Variants in GLP1R observed in about 807,000 individuals in gnomAD.
The protein encoded by GLP1R is glucagon like peptide 1 receptor.
GLP1R carries 32 observed loss-of-function variants against 68.4 expected under a neutral mutation model. The ratio of observed to expected loss-of-function variants is 0.47; its 90% CI spans 0.35 to 0.63. The LOEUF is 0.63. GLP1R is among the 20% of genes least tolerant of loss of function. The pLI is 0.00. For synonymous variants in GLP1R, 263 were observed against 244.4 expected, an observed-to-expected ratio of 1.08 and a Z score of -0.71; for missense variants, 502 against 594.9, an observed-to-expected ratio of 0.84 and a Z score of 1.62.
chr6:39,054,459 C>T (rs1768164037), intron 1 of GLP1R, among the ~76,000 whole-genome samples: 1 of 152,144 alleles, frequency 6.6e-6, no homozygotes, highest in Non-Finnish European at 1.5e-5. Flanking sequence ...GCCACAGCCC[C>T]ATCCTCAGGA....
chr6:39,065,671 A>T, intron 3 of GLP1R, 40 bp from the exon 4 acceptor site: 1 of 1,348,186 alleles, frequency 7.4e-7, no homozygotes, highest in South Asian at 1.3e-5. Flanking sequence ...AGGCTGCCCT[A>T]TTCTGGGCTG....
intron 1 of GLP1R, 92 bp from the exon 2 acceptor site, chr6:39,056,305 T>C (rs1165116341): frequency 4.5e-6 from 3 of 660,554 alleles, no homozygotes; most frequent in Non-Finnish European, 8.2e-6. Flanking sequence ...TGAGGTTTCA[T>C]GGAGATTGAG....
intron 5 of GLP1R, among the ~76,000 whole-genome samples, chr6:39,069,607 C>T (rs1207830274): frequency 1.3e-5 from 2 of 149,618 alleles, no homozygotes; most frequent in African/African-American, 4.9e-5. Context: ...CACTGCACTC[C>T]AGCCTGGGCG....
intron 3 of GLP1R, among the ~76,000 whole-genome samples, chr6:39,058,505 G>A (rs1358807661): frequency 6.6e-6 from 1 of 152,136 alleles, no homozygotes; most frequent in Non-Finnish European, 1.5e-5. Flanking sequence ...TGGAGGGTTA[G>A]TTAATGTGCC....
At position 39,080,746 on chromosome 6, in the gene GLP1R, T is replaced by G; in HGVS notation, c.1224+7T>G. On this transcript the variant is annotated splice_region_variant and intron_variant, in intron 12 of 12. Transcript: ENST00000373256. ...CTGCTTTGTCAACAATGAGGTAAGCTCTGAGGAGGGACGGTGGGGACCCTG... is the reference window on the plus strand; with the variant it reads ...CTGCTTTGTCAACAATGAGGTAAGCGCTGAGGAGGGACGGTGGGGACCCTG... The G allele has an allele frequency of 6.3e-7, 1 of 1,580,544 alleles. No individual in the cohort carries two copies. Among genetic ancestry groups the G allele is most frequent in the Non-Finnish European group, 8.6e-7 (1 of 1,158,796 alleles).
intron 7 of GLP1R, among the ~76,000 whole-genome samples, chr6:39,075,035 C>T (rs552336777): frequency 3.3e-5 from 5 of 152,326 alleles, no homozygotes; most frequent in African/African-American, 9.6e-5. Flanking sequence ...GCCTTACAGG[C>T]AGAGCAGGCC....
intron 7 of GLP1R, 105 bp from the exon 8 acceptor site, chr6:39,078,217 G>A (rs1768885351): frequency 2.4e-6 from 2 of 817,504 alleles, no homozygotes; most frequent in Middle Eastern, 4.8e-4. Flanking sequence ...GGCAAGGAGA[G>A]GGGCTGGAAG....
intron 7 of GLP1R, among the ~76,000 whole-genome samples, chr6:39,075,916 C>A (rs1030297403): frequency 1.3e-5 from 2 of 152,194 alleles, no homozygotes; most frequent in Non-Finnish European, 2.9e-5. Flanking sequence ...CTTCCTGGAG[C>A]CAGTTGTGTG....
intron 1 of GLP1R, among the ~76,000 whole-genome samples, chr6:39,052,904 GTCCAGTGC>G (rs2150819153): frequency 6.6e-6 from 1 of 152,300 alleles, no homozygotes; most frequent in East Asian, 1.9e-4. Flanking sequence ...ATAAATCGCT[GTCCAGTGC>G]TCCTTCCTGT....
rs1035523552 is a variant in GLP1R, at chr6:39,079,980, G to A, written c.1182+278G>A. Among the ~76,000 whole-genome samples, 1 of 152,160 alleles carries A rather than the reference G, an allele frequency of 6.6e-6. No individual in the cohort carries two copies. The highest frequency in any genetic ancestry group is 2.1e-4 in the South Asian group (1 of 4,822). Reference sequence around the variant, plus strand: ...GCAGCTGCCATCTACTTGGTGGCGAGCACCCTGCCAGGTGCTTTACATGCA... The same window carrying A: ...GCAGCTGCCATCTACTTGGTGGCGAACACCCTGCCAGGTGCTTTACATGCA... On this transcript the variant is annotated intron_variant, in intron 11 of 12. Transcript: ENST00000373256. This position sits in a 1 kb window ranked among gnomAD's most constrained non-coding sequence, Gnocchi z 4.5.
chr6:39,068,371 C>T (rs1768572736), intron 5 of GLP1R, among the ~76,000 whole-genome samples: 1 of 152,022 alleles, frequency 6.6e-6, no homozygotes, highest in Non-Finnish European at 1.5e-5. Context: ...GCTGGTGGCT[C>T]TACCAGTCTG....
At position 39,080,864 on chromosome 6, in the gene GLP1R, C is replaced by G. The variant is rs10305497; in HGVS notation, c.1224+125C>G. Reference sequence around the variant, plus strand: ...ACCCCCTACTCACCTCACTGAGGCACTAGGGTTGAGAAGCCATCTTGTCCA... The same window carrying G: ...ACCCCCTACTCACCTCACTGAGGCAGTAGGGTTGAGAAGCCATCTTGTCCA... On this transcript the variant is annotated intron_variant, in intron 12 of 12. Coordinates refer to ENST00000373256, the MANE Select transcript of GLP1R (RefSeq NM_002062.5). 256 of 586,264 alleles carry G rather than the reference C, an allele frequency of 4.4e-4. 2 individuals carry two copies. The African/African-American group carries it at 4.7e-3, about 11-fold the overall frequency. The allele number at this position is 586,264 out of a possible 1,614,324, so 36.3% of individuals were successfully genotyped here.
Position 39,056,405 on chromosome 6 carries a change from T to C in GLP1R, c.87T>C (p.Thr29=), listed in dbSNP as rs1327655996. 1 of 1,590,118 alleles carries C rather than the reference T, an allele frequency of 6.3e-7. No individual in the cohort carries two copies. Among genetic ancestry groups the C allele is most frequent in the Non-Finnish European group, 8.6e-7 (1 of 1,158,296 alleles). Residue 29 remains threonine (T), a synonymous_variant, in exon 2 of 13, where the codon ACT becomes ACC. Coordinates refer to ENST00000373256, the MANE Select transcript of GLP1R (RefSeq NM_002062.5). ...GRAGPRPQGA[T]VSLWETVQKW... is the part of the protein sequence containing the mutation. ...ATATGCCCTCCCCCCAGGGTGCCAC[T>C]GTGTCCCTCTGGGAGACGGTGCAGA...
At position 39,088,747 on chromosome 6, in the gene GLP1R, T is replaced by C. The variant is rs1342643559; in HGVS notation, c.*2674T>C. The stretch of plus-strand genomic sequence containing the variant: ...ATGAGCTTCTGGATTGCAGAGATGA[T>C]TTTTTATGGTCTTAGCGTGCCTCAT... On this transcript the variant is annotated 3_prime_UTR_variant, in exon 13 of 13. Coordinates refer to ENST00000373256, the MANE Select transcript of GLP1R (RefSeq NM_002062.5). Among the ~76,000 whole-genome samples the C allele has an allele frequency of 6.6e-6, 1 of 152,240 alleles. No homozygotes were observed. The highest frequency in any genetic ancestry group is 1.9e-4 in the East Asian group (1 of 5,208).
chr6:39,070,461 C>T (rs1768630763), intron 5 of GLP1R, among the ~76,000 whole-genome samples: 1 of 152,160 alleles, frequency 6.6e-6, no homozygotes, highest in Admixed American at 6.5e-5. Flanking sequence ...GTGCATTTCT[C>T]TGGGGCATAT....
chr6:39,059,410 G>A (rs1213393294), intron 3 of GLP1R, among the ~76,000 whole-genome samples: 4 of 152,140 alleles, frequency 2.6e-5, no homozygotes, highest in Admixed American at 2.6e-4. Flanking sequence ...GTGTGCCCTT[G>A]CATGTGGCTC....
chr6:39,062,838 A>G (rs1361545533), intron 3 of GLP1R, among the ~76,000 whole-genome samples: 3 of 152,314 alleles, frequency 2.0e-5, no homozygotes, highest in African/African-American at 4.8e-5. Context: ...TCATATGTAC[A>G]ATGGGACTAA....
intron 1 of GLP1R, among the ~76,000 whole-genome samples, chr6:39,054,148 C>T (rs1025042106): frequency 6.6e-6 from 1 of 152,128 alleles, no homozygotes; most frequent in Non-Finnish European, 1.5e-5. Flanking sequence ...CACTGCCTTC[C>T]CTGTTATGTC....
chr6:39,055,918 G>T (rs190755420), intron 1 of GLP1R, among the ~76,000 whole-genome samples: 22 of 152,088 alleles, frequency 1.4e-4, no homozygotes, highest in Admixed American at 3.9e-4. Context: ...TTCCTGGGGG[G>T]GCTGTGCACC....
Sources: allele counts gnomAD v4.1 joint callset (sites outside exome capture counted in the v4.1 genomes callset), GRCh38; gene constraint gnomAD v4.1.1; non-coding constraint Gnocchi (gnomAD v3.1); transcripts MANE v1.5; gene names NCBI Gene and HGNC (gene_info 2026-07-23, HGNC 2026-07-21).